PRELID2: variants seen among roughly 807,000 people sequenced by gnomAD.
PRELID2 encodes PRELI domain-containing protein 2.
Under a neutral mutation model 28.4 loss-of-function variants are expected in PRELID2, and 25 were observed. The observed-to-expected ratio is 0.88, with a 90% CI of 0.64 to 1.23. The LOEUF is 1.23. PRELID2 is among the 50% of genes most tolerant of loss of function. The pLI is 0.00. For missense variants in PRELID2, 201 were observed against 214.4 expected (o/e 0.94, Z 0.39); for synonymous variants, 76 against 71.6 (o/e 1.06, Z -0.31).
At chr5:145,722,117 C>G (rs1245817955) in intron 1 of PRELID2, among the ~76,000 whole-genome samples, 1 of 152,004 alleles carries the variant, frequency 6.6e-6, no homozygotes, top group African/African-American at 2.4e-5. Flanking sequence ...ACATTAAACC[C>G]TGATAATAGA....
intron 1 of PRELID2, among the ~76,000 whole-genome samples, chr5:145,572,133 T>C (rs753006484): frequency 7.2e-5 from 11 of 152,358 alleles, no homozygotes; most frequent in Non-Finnish European, 1.3e-4. Flanking sequence ...GGATTCCAGA[T>C]CTTTAGATAA....
intron 1 of PRELID2, among the ~76,000 whole-genome samples, chr5:145,673,498 A>G (rs1376310091): frequency 2.6e-5 from 4 of 152,034 alleles, no homozygotes; most frequent in Non-Finnish European, 5.9e-5. Flanking sequence ...AAGAAAAGAA[A>G]AAAAGAAAGC....
chr5:145,796,406 A>T (rs771623497), intron 5 of PRELID2, 36 bp downstream of exon 5: 1 of 1,425,682 alleles, frequency 7.0e-7, no homozygotes, highest in Non-Finnish European at 9.8e-7. Flanking sequence ...ATTGTTTTTT[A>T]AAATTAATGT....
At position 145,806,902 on chromosome 5, in the gene PRELID2, T is replaced by G. The variant is rs7732260; in HGVS notation, c.369-10355A>C. On this transcript the variant is annotated intron_variant, in intron 4 of 6. Transcript: ENST00000683046. Reference sequence around the variant, plus strand: ...AAGTTTCCTGAGGCCTCCCCAGCCATGTGGAACTGTGAGTCAACTAAACCT... The same window carrying G: ...AAGTTTCCTGAGGCCTCCCCAGCCAGGTGGAACTGTGAGTCAACTAAACCT... 6.9e-3 allele frequency among the ~76,000 whole-genome samples: 1,058 copies of G among 152,298 alleles called. 13 individuals carry two copies. The highest frequency in any genetic ancestry group is 0.024 in the African/African-American group (1,004 of 41,562).
the PRELID2 span, among the ~76,000 whole-genome samples, chr5:145,389,919 C>A: frequency 2.6e-5 from 4 of 152,132 alleles, no homozygotes; most frequent in Admixed American, 2.6e-4. Flanking sequence ...GTAAACAATG[C>A]TAGTAATTGT....
rs144817573 is a variant in PRELID2 at position 145,529,626 on chromosome 5, A to T, written n.71-56311T>A. On this transcript the variant is annotated intron_variant and non_coding_transcript_variant, in intron 1 of 2. Transcript: ENST00000510259. ...TACTATGTCTCACACTGTTCCAAGC[A>T]CTAGGAAACAGCTGTGAACAAGACA... Among the ~76,000 whole-genome samples, 775 of 152,326 alleles carry T rather than the reference A, an allele frequency of 5.1e-3. 7 individuals carry two copies. The highest frequency in any genetic ancestry group is 0.018 in the African/African-American group (746 of 41,588).
chr5:145,722,322 CAG>C (rs1756012962), intron 1 of PRELID2, among the ~76,000 whole-genome samples: 1 of 152,090 alleles, frequency 6.6e-6, no homozygotes, highest in Non-Finnish European at 1.5e-5. Flanking sequence ...TTTTCTGAGA[CAG>C]AGTCTCGCTC....
At chr5:145,334,992 C>G in the PRELID2 span, among the ~76,000 whole-genome samples, 9 of 152,082 alleles carry the variant, frequency 5.9e-5, no homozygotes, top group South Asian at 1.9e-3. Flanking sequence ...GGTATATAAA[C>G]CTGGACATCC....
chr5:145,374,679 C>G, the PRELID2 span, among the ~76,000 whole-genome samples: 1 of 152,084 alleles, frequency 6.6e-6, no homozygotes, highest in African/African-American at 2.4e-5. Context: ...TTGTTCATTT[C>G]TTTTCATTCT....
chr5:145,427,190 T>C, the PRELID2 span, among the ~76,000 whole-genome samples: 1 of 152,236 alleles, frequency 6.6e-6, no homozygotes, highest in Non-Finnish European at 1.5e-5. Context: ...TCTGCCAAGA[T>C]TGGAGCTGCT....
At chr5:145,640,367 T>C (rs1456341265) in intron 1 of PRELID2, among the ~76,000 whole-genome samples, 5 of 151,138 alleles carry the variant, frequency 3.3e-5, no homozygotes, top group African/African-American at 1.2e-4. Context: ...TCCCAGCTAC[T>C]CGGGAGGCTG....
intron 1 of PRELID2, among the ~76,000 whole-genome samples, chr5:145,703,612 G>C (rs575930510): frequency 1.3e-5 from 2 of 152,180 alleles, no homozygotes; most frequent in Non-Finnish European, 1.5e-5. Context: ...ACTGCAGCTA[G>C]GGAAAGAAGA....
chr5:145,831,085 A>G (rs11742313), intron 1 of PRELID2, among the ~76,000 whole-genome samples: 81,149 of 152,142 alleles, frequency 0.53, 24,369 homozygotes, highest in Non-Finnish European at 0.69. Context: ...AAGAAAAATA[A>G]AAGTGTATTT....
the PRELID2 span, among the ~76,000 whole-genome samples, chr5:145,247,445 C>T: frequency 6.6e-6 from 1 of 152,102 alleles, no homozygotes; most frequent in Non-Finnish European, 1.5e-5. Context: ...AGACAAGTGG[C>T]TGCTTAGGCC....
intron 1 of PRELID2, among the ~76,000 whole-genome samples, chr5:145,712,343 A>G (rs953047456): frequency 2.0e-5 from 3 of 152,212 alleles, no homozygotes; most frequent in Non-Finnish European, 2.9e-5. Flanking sequence ...TTTGTATATT[A>G]GAAATATTAC....
At chr5:145,425,477 T>C in the PRELID2 span, among the ~76,000 whole-genome samples, 1 of 152,320 alleles carries the variant, frequency 6.6e-6, no homozygotes, top group East Asian at 1.9e-4. Flanking sequence ...GCAGCCCTAT[T>C]CACAATAGCA....
downstream of PRELID2, among the ~76,000 whole-genome samples, chr5:145,755,167 CCAGT>C (rs1757223778): frequency 6.6e-6 from 1 of 152,284 alleles, no homozygotes; most frequent in African/African-American, 2.4e-5. Flanking sequence ...TAGAAGTGGT[CCAGT>C]CAAAGCACAA....
At chr5:145,700,692 T>G (rs554220113) in intron 1 of PRELID2, among the ~76,000 whole-genome samples, 39 of 152,236 alleles carry the variant, frequency 2.6e-4, no homozygotes, top group Admixed American at 7.8e-4. Context: ...CCACGCTCCC[T>G]CTATGTATTC....
chr5:145,713,854 T>C (rs1755772485), intron 1 of PRELID2, among the ~76,000 whole-genome samples: 2 of 151,170 alleles, frequency 1.3e-5, no homozygotes. Flanking sequence ...TGGAATTACA[T>C]TTTAAAGTGC....
Sources: allele counts gnomAD v4.1 joint callset (sites outside exome capture counted in the v4.1 genomes callset), GRCh38; gene constraint gnomAD v4.1.1; transcripts MANE v1.5; gene names NCBI Gene and HGNC (gene_info 2026-07-23, HGNC 2026-07-21).